Variants in FAM178B observed in about 807,000 individuals in gnomAD.
The protein encoded by FAM178B is protein FAM178B.
In FAM178B, 82 loss-of-function variants were observed where a neutral mutation model predicts 91.7. The ratio of observed to expected loss-of-function variants is 0.89; its 90% CI spans 0.75 to 1.07. The LOEUF (loss-of-function observed/expected upper bound fraction) is 1.07. Among genes scored for constraint, FAM178B ranks in the 50% least tolerant of loss-of-function variants. FAM178B has a pLI of 0.00. For synonymous variants in FAM178B, 368 were observed against 359.4 expected, an observed-to-expected ratio of 1.02 and a Z score of -0.27; for missense variants, 769 against 846.7, an observed-to-expected ratio of 0.91 and a Z score of 1.14.
Position 96,893,926 on chromosome 2 carries a change from C to T in FAM178B, c.1776G>A (p.Lys592=), listed in dbSNP as rs2080744533. The T allele has an allele frequency of 6.2e-6, 10 of 1,611,786 alleles. No homozygotes were observed. Among genetic ancestry groups the T allele is most frequent in the Non-Finnish European group, 8.5e-6 (10 of 1,179,100 alleles). The change falls in exon 14 of 17, where the codon AAG becomes AAA. Residue 592 remains lysine, a splice_region_variant and synonymous_variant. Transcript: ENST00000490605. ...AGGCGGGTGCTGGGTGCTCACTCAC[C>T]TTGTGGTCTAGCTCGGCACTAGCCT... ...QPKASAELDH[K]ACYLCHSLLM... is the part of the protein sequence containing the mutation.
Position 96,977,119 on chromosome 2 carries a change from C to T in FAM178B, c.74-4513G>A, listed in dbSNP as rs1315655942. Reference sequence around the variant, plus strand: ...CTGAAGCAGGAGAATTGCTTGAACCCGGGAGGCAGAGGTTGCAGTGAGCCA... The same window carrying T: ...CTGAAGCAGGAGAATTGCTTGAACCTGGGAGGCAGAGGTTGCAGTGAGCCA... On this transcript the variant is annotated intron_variant, in intron 1 of 16. Transcript: ENST00000490605. 4.8e-5 allele frequency among the ~76,000 whole-genome samples: 7 copies of T among 145,198 alleles called. 1 individual carries two copies. The South Asian group carries it at 1.3e-3, about 27-fold the overall frequency.
chr2:96,917,345 C>T (rs985994683), intron 12 of FAM178B, among the ~76,000 whole-genome samples: 6 of 152,224 alleles, frequency 3.9e-5, no homozygotes, highest in African/African-American at 1.4e-4. Flanking sequence ...ACCCTGCTGA[C>T]GTGGCTGCCT....
At chr2:96,924,218 C>T (rs1175882013) in intron 9 of FAM178B, among the ~76,000 whole-genome samples, 1 of 152,216 alleles carries the variant, frequency 6.6e-6, no homozygotes, top group East Asian at 1.9e-4. Flanking sequence ...CCAATCCCCC[C>T]AAAGTCCGTG....
In FAM178B at chr2:96,878,411, C is replaced by T; in HGVS notation, c.1854+5G>A. On this transcript the variant is annotated splice_donor_5th_base_variant and intron_variant, in intron 15 of 16. Coordinates refer to ENST00000490605, the MANE Select transcript of FAM178B (RefSeq NM_001122646.3). The stretch of plus-strand genomic sequence containing the variant: ...CACCACAGCCCTGCCCCTTGGGAGA[C>T]TCACCCACTGGTCTGGAGTGATGTC... 6.2e-7 allele frequency: 1 copy of T among 1,613,664 alleles called. No homozygotes were observed. Among genetic ancestry groups the T allele is most frequent in the Non-Finnish European group, 8.5e-7 (1 of 1,179,826 alleles).
chr2:96,927,007 G>A (rs767789291), intron 9 of FAM178B, among the ~76,000 whole-genome samples: 1 of 152,230 alleles, frequency 6.6e-6, no homozygotes, highest in Non-Finnish European at 1.5e-5. Flanking sequence ...GAGCCAGCTC[G>A]CACAAGACAG....
chr2:96,904,260 CG>C (rs370050355), intron 12 of FAM178B, among the ~76,000 whole-genome samples: 27 of 152,230 alleles, frequency 1.8e-4, no homozygotes, highest in East Asian at 1.2e-3. Context: ...CTCAGTCCTA[CG>C]GGGGGGTGTT....
chr2:96,957,589 T>C (rs1249621467), intron 6 of FAM178B, among the ~76,000 whole-genome samples: 1 of 152,236 alleles, frequency 6.6e-6, no homozygotes, highest in Admixed American at 6.5e-5. Context: ...CCATCTCATC[T>C]GTCAAACACT....
At position 96,970,712 on chromosome 2, in the gene FAM178B, T is replaced by C. The variant is rs1298410101; in HGVS notation, c.626+4A>G. Reference sequence around the variant, plus strand: ...CCCCATGACAGGCCACGCCCTGTGCTCACCTCTTCTCCTGCAGTAAGTAGT... The same window carrying C: ...CCCCATGACAGGCCACGCCCTGTGCCCACCTCTTCTCCTGCAGTAAGTAGT... On this transcript the variant is annotated splice_donor_region_variant and intron_variant, in intron 4 of 16. Coordinates refer to ENST00000490605, the MANE Select transcript of FAM178B (RefSeq NM_001122646.3). The C allele has an allele frequency of 1.3e-6, 2 of 1,550,596 alleles. No homozygotes were observed. Among genetic ancestry groups the C allele is most frequent in the African/African-American group, 2.7e-5 (2 of 72,958 alleles).
intron 13 of FAM178B, chr2:96,898,031 T>C: frequency 1.1e-5 from 11 of 985,534 alleles, no homozygotes; most frequent in Non-Finnish European, 1.3e-5. Context: ...GCCCAGCAGC[T>C]TGGCCATCAG....
At chr2:96,937,996 T>C (rs2081661884) in intron 8 of FAM178B, among the ~76,000 whole-genome samples, 1 of 152,182 alleles carries the variant, frequency 6.6e-6, no homozygotes, top group Non-Finnish European at 1.5e-5. Flanking sequence ...ATGCCACCAC[T>C]GCACTCCAGC....
chr2:96,972,473 C>A (rs1394872016), intron 2 of FAM178B, 65 bp downstream of exon 2: 19 of 1,526,558 alleles, frequency 1.2e-5, no homozygotes, highest in Non-Finnish European at 1.7e-5. Context: ...CAGCCATGGG[C>A]TCTCCACTTC....
chr2:96,922,704 C>A (rs1185956458), intron 10 of FAM178B, among the ~76,000 whole-genome samples: 1 of 151,850 alleles, frequency 6.6e-6, no homozygotes, highest in East Asian at 1.9e-4. Flanking sequence ...GGATTTGCTT[C>A]CAATTCTTTT....
chr2:96,886,216 A>G (rs796146239), intron 14 of FAM178B, among the ~76,000 whole-genome samples: 4 of 152,162 alleles, frequency 2.6e-5, no homozygotes, highest in African/African-American at 9.6e-5. Context: ...CTCAGACCAA[A>G]CTGTTCCATG....
At chr2:96,946,638 A>G (rs1052438279) in intron 8 of FAM178B, among the ~76,000 whole-genome samples, 3 of 152,270 alleles carry the variant, frequency 2.0e-5, no homozygotes, top group African/African-American at 7.2e-5. Context: ...CGCATCAGAG[A>G]CAACGTGGCA....
Position 96,921,700 on chromosome 2 carries a change from G to A in FAM178B, c.1288-46C>T, listed in dbSNP as rs866129907. On this transcript the variant is annotated intron_variant, in intron 10 of 16. Transcript: ENST00000490605. ...AGGGGTGGCCAGGGCATGGGGGAAC[G>A]GGAGAGTACTTCGAGGACCAGTTCC... 38 of 1,530,258 alleles carry A rather than the reference G, an allele frequency of 2.5e-5. No individual in the cohort carries two copies. In the African/African-American group the frequency reaches 2.9e-4, roughly 12 times the overall value. The allele number at this position is 1,530,258 out of a possible 1,614,324, so 94.8% of individuals were successfully genotyped here. A position where few individuals can be genotyped will look rare whatever the true frequency, so the allele number is the denominator to read the frequency against.
At chr2:96,896,509 C>T (rs1367049418) in intron 13 of FAM178B, among the ~76,000 whole-genome samples, 1 of 152,132 alleles carries the variant, frequency 6.6e-6, no homozygotes, top group Non-Finnish European at 1.5e-5. Context: ...GCAGCTGGCT[C>T]TACAAACACT....
At chr2:96,889,121 T>A (rs1209463621) in intron 14 of FAM178B, among the ~76,000 whole-genome samples, 1 of 152,052 alleles carries the variant, frequency 6.6e-6, no homozygotes, top group Non-Finnish European at 1.5e-5. Flanking sequence ...ACTGGGGACA[T>A]CATCTGGCTG....
intron 10 of FAM178B, 64 bp from the exon 11 acceptor site, chr2:96,921,718 C>T (rs1428213298): frequency 6.7e-7 from 1 of 1,491,342 alleles, no homozygotes; most frequent in Non-Finnish European, 9.1e-7. Flanking sequence ...ACTTCGAGGA[C>T]CAGTTCCCTG....
At chr2:96,902,959 G>A (rs1335735129) in intron 12 of FAM178B, among the ~76,000 whole-genome samples, 2 of 152,228 alleles carry the variant, frequency 1.3e-5, no homozygotes, top group African/African-American at 4.8e-5. Context: ...CACAGAGCTG[G>A]GCTTTTCTTA....
Sources: gnomAD v4.1 joint callset for allele counts (sites outside exome capture counted in the v4.1 genomes callset) on GRCh38, gnomAD v4.1.1 for gene constraint, MANE v1.5 for transcripts, NCBI Gene and HGNC (gene_info 2026-07-23, HGNC 2026-07-21) for gene names.